BTG4: variants seen among roughly 807,000 people sequenced by gnomAD.
BTG4 encodes protein BTG4.
BTG4 carries 10 observed loss-of-function variants against 19.3 expected under a neutral mutation model. The observed-to-expected ratio is 0.52, with a 90% CI of 0.32 to 0.88. The LOEUF is 0.88. Ranked by LOEUF, BTG4 falls within the 40% of genes least tolerant of loss-of-function variation. BTG4 has a pLI of 0.04. For missense variants in BTG4, 238 were observed against 281.9 expected (o/e 0.84, Z 1.11); for synonymous variants, 91 against 95.7 (o/e 0.95, Z 0.29).
At chr11:111,463,295 C>G (rs1193632430), downstream of BTG4, 1 of 152,680 alleles carries the variant, frequency 6.5e-6, no homozygotes, top group Non-Finnish European at 1.5e-5. Flanking sequence ...GAACTCTGTG[C>G]TATTTCATCC....
the BTG4 span, among the ~76,000 whole-genome samples, chr11:111,441,191 A>G: frequency 1.3e-4 from 20 of 151,940 alleles, no homozygotes; most frequent in African/African-American, 4.6e-4. Flanking sequence ...AATGAAGAAT[A>G]CAATAATAAA....
chr11:111,494,220 T>C (rs1865585646), downstream of BTG4, among the ~76,000 whole-genome samples: 1 of 150,768 alleles, frequency 6.6e-6, no homozygotes, highest in Admixed American at 6.6e-5. Flanking sequence ...CACAGGAGGG[T>C]GGAGTAAAAA....
At chr11:111,388,280 A>AGTTGGTTGGTTGGTTGGTTG in the BTG4 span, among the ~76,000 whole-genome samples, 1 of 145,592 alleles carries the variant, frequency 6.9e-6, no homozygotes, top group Admixed American at 6.9e-5. Flanking sequence ...GCCATGACTC[A>AGTTGGTTGGTTGGTTGGTTG]GTTGGTTGGT....
At chr11:111,490,807 C>T (rs1865371929), downstream of BTG4, among the ~76,000 whole-genome samples, 1 of 152,184 alleles carries the variant, frequency 6.6e-6, no homozygotes, top group African/African-American at 2.4e-5. Flanking sequence ...TCATACATTG[C>T]TGATGGGAAC....
Position 111,474,961 on chromosome 11 carries a change from C to T in BTG4, c.663-7280G>A, listed in dbSNP as rs190882541. 4.6e-5 allele frequency: 7 copies of T among 152,496 alleles called. No homozygotes were observed. The East Asian group carries it at 9.6e-4, about 21-fold the overall frequency. The allele number at this position is 152,496 out of a possible 1,614,324, so 9.4% of individuals were successfully genotyped here. A position where few individuals can be genotyped will look rare whatever the true frequency, so the allele number is the denominator to read the frequency against. On this transcript the variant is annotated intron_variant, in intron 5 of 5. Coordinates refer to the BTG4 transcript ENST00000356018. ...TAAAGTGCCTAATCCAGTCTTTTGC[C>T]CATTTTCCATTAGATTGTGCCTATT...
the BTG4 span, chr11:111,455,287 A>C: frequency 3.1e-6 from 1 of 324,470 alleles, no homozygotes; most frequent in South Asian, 2.5e-5. Flanking sequence ...GTCCAGAATA[A>C]CTCTGGAGTT....
the BTG4 span, among the ~76,000 whole-genome samples, chr11:111,394,216 C>A: frequency 4.6e-5 from 7 of 152,094 alleles, no homozygotes; most frequent in Non-Finnish European, 1.0e-4. Flanking sequence ...TCTGAACTTG[C>A]GGTAGCCAGC....
At chr11:111,413,957 C>T in the BTG4 span, among the ~76,000 whole-genome samples, 2 of 152,136 alleles carry the variant, frequency 1.3e-5, no homozygotes, top group African/African-American at 4.8e-5. Flanking sequence ...TATCTAAGAC[C>T]CTCCCCTTCC....
the BTG4 span, among the ~76,000 whole-genome samples, chr11:111,418,346 A>G: frequency 1.3e-5 from 2 of 152,204 alleles, no homozygotes; most frequent in African/African-American, 4.8e-5. Flanking sequence ...GGAAGGTGAG[A>G]AAGACCCAGC....
the BTG4 span, among the ~76,000 whole-genome samples, chr11:111,409,342 TA>T: frequency 5.9e-5 from 9 of 152,238 alleles, no homozygotes; most frequent in Admixed American, 5.2e-4. Context: ...TGGTGAGTCA[TA>T]GGGGGATCGC....
chr11:111,459,535 G>C, the BTG4 span: 1 of 152,526 alleles, frequency 6.6e-6, no homozygotes, highest in Non-Finnish European at 1.5e-5. Context: ...CTCTGGTCAG[G>C]GACGTAGTAC....
At chr11:111,386,598 AC>A in the BTG4 span, among the ~76,000 whole-genome samples, 2 of 152,224 alleles carry the variant, frequency 1.3e-5, no homozygotes, top group African/African-American at 4.8e-5. Flanking sequence ...GTGTGTATAT[AC>A]ATATTTTCCT....
downstream of BTG4, among the ~76,000 whole-genome samples, chr11:111,466,534 C>G (rs1435614057): frequency 2.0e-5 from 3 of 152,126 alleles, no homozygotes; most frequent in Non-Finnish European, 2.9e-5. Context: ...GACTGAAAAT[C>G]ATTTTTTCCA....
the BTG4 span, among the ~76,000 whole-genome samples, chr11:111,410,676 A>G: frequency 1.3e-5 from 2 of 152,180 alleles, no homozygotes; most frequent in African/African-American, 2.4e-5. Context: ...GAAGTAGAAG[A>G]TCCTTAAAGT....
intron 1 of BTG4, among the ~76,000 whole-genome samples, chr11:111,500,238 A>G (rs1237813167): frequency 1.3e-5 from 2 of 152,214 alleles, no homozygotes; most frequent in Non-Finnish European, 2.9e-5. Context: ...CCTGGCAATC[A>G]GTAGTTATCA....
the BTG4 span, among the ~76,000 whole-genome samples, chr11:111,393,105 G>T: frequency 3.9e-5 from 6 of 152,294 alleles, no homozygotes; most frequent in Middle Eastern, 3.4e-3. Flanking sequence ...AACAATGAGT[G>T]CAAAGATTGC....
intron 5 of BTG4, among the ~76,000 whole-genome samples, chr11:111,486,029 T>C (rs191818106): frequency 1.3e-5 from 2 of 152,280 alleles, no homozygotes; most frequent in African/African-American, 4.8e-5. Context: ...CCTGTCAAGA[T>C]TGAAACCTGA....
chr11:111,467,035 G>A (rs1863759998), downstream of BTG4: 1 of 152,482 alleles, frequency 6.6e-6, no homozygotes, highest in Non-Finnish European at 1.5e-5. Flanking sequence ...TCCTTTAAGG[G>A]GATTTATGGG....
the BTG4 span, among the ~76,000 whole-genome samples, chr11:111,393,606 G>A: frequency 2.6e-5 from 4 of 152,226 alleles, no homozygotes; most frequent in African/African-American, 9.6e-5. Context: ...AGAGGTTGCA[G>A]AGAAAAGCCA....
Sources: allele counts gnomAD v4.1 joint callset (sites outside exome capture counted in the v4.1 genomes callset), GRCh38; gene constraint gnomAD v4.1.1; transcripts MANE v1.5; gene names NCBI Gene and HGNC (gene_info 2026-07-23, HGNC 2026-07-21).